The following MYBL1 variants were observed in gnomAD, a reference collection of about 807,000 sequenced individuals.
The protein encoded by MYBL1 is myb-related protein A.
Under a neutral mutation model 96.3 loss-of-function variants are expected in MYBL1, and 17 were observed. The observed-to-expected ratio is 0.18, with a 90% CI of 0.12 to 0.26. The LOEUF (loss-of-function observed/expected upper bound fraction) is 0.26, where lower values mean the gene tolerates loss of function less well. Among genes scored for constraint, MYBL1 ranks in the 10% least tolerant of loss-of-function variants. The pLI is 1.00. For missense variants in MYBL1, 701 were observed against 882.9 expected (o/e 0.79, Z 2.61); for synonymous variants, 282 against 292.7 (o/e 0.96, Z 0.37).
In MYBL1 at chr8:66,597,345, T is replaced by C. The variant is rs1809892325; in HGVS notation, c.497A>G (p.Lys166Arg). ...ATATAAGCACCTTCCTGGAAGTAGT[T>C]TGGCAATTTCTGCCCAACGATTTCC... ...RLGNRWAEIA[K>R]LLPGRTDNSI... Residue 166 changes from lysine (K) to arginine (R), a missense_variant, in exon 5 of 16, where the codon AAA (lysine) becomes AGA (arginine). Transcript: ENST00000522677. 3 of 1,600,758 alleles carry C rather than the reference T, an allele frequency of 1.9e-6. No homozygotes were observed. Among genetic ancestry groups the C allele is most frequent in the East Asian group, 4.5e-5 (2 of 44,648 alleles).
chr8:66,612,854 T>A lies in MYBL1; in HGVS notation c.-16A>T. ...TCTTCGCCATCCTTCAAGTACCGCATAGGAGCAGGCTGGGCGGGGACGCGG... is the reference window on the plus strand; with the variant it reads ...TCTTCGCCATCCTTCAAGTACCGCAAAGGAGCAGGCTGGGCGGGGACGCGG... On this transcript the variant is annotated 5_prime_UTR_variant, in exon 1 of 16. It removes an upstream start codon present in the reference 5' UTR. Transcript: ENST00000522677. 7.3e-7 allele frequency: 1 copy of A among 1,367,332 alleles called. No individual in the cohort carries two copies. Among genetic ancestry groups the A allele is most frequent in the Non-Finnish European group, 9.5e-7 (1 of 1,050,360 alleles). The allele number at this position is 1,367,332 out of a possible 1,614,324, so 84.7% of individuals were successfully genotyped here.
intron 12 of MYBL1, among the ~76,000 whole-genome samples, chr8:66,567,478 T>C (rs1174807317): frequency 6.6e-6 from 1 of 151,926 alleles, no homozygotes; most frequent in Admixed American, 6.6e-5. Context: ...TTTGTATACC[T>C]AGCCTAAGCA....
chr8:66,567,136 C>G, intron 12 of MYBL1, 144 bp from the exon 13 acceptor site: 1 of 577,570 alleles, frequency 1.7e-6, no homozygotes, highest in Non-Finnish European at 3.0e-6. Context: ...TAAATTAATT[C>G]ATGTTGTGGC....
chr8:66,602,645 T>C (rs1810123154), intron 1 of MYBL1, 122 bp from the exon 2 acceptor site: 2 of 347,910 alleles, frequency 5.7e-6, no homozygotes, highest in Admixed American at 1.1e-4. Flanking sequence ...ATATTCACAA[T>C]GAAATTATTC....
intron 6 of MYBL1, among the ~76,000 whole-genome samples, chr8:66,594,743 A>C (rs866253578): frequency 4.1e-4 from 62 of 152,180 alleles, no homozygotes; most frequent in African/African-American, 1.4e-3. Flanking sequence ...TGAAAATGTC[A>C]TTACTCTAAG....
chr8:66,605,762 G>A (rs1440513990), intron 1 of MYBL1, among the ~76,000 whole-genome samples: 2 of 152,160 alleles, frequency 1.3e-5, no homozygotes, highest in Non-Finnish European at 2.9e-5. Flanking sequence ...GTTACAGTGA[G>A]CCGAGATTGC....
intron 4 of MYBL1, among the ~76,000 whole-genome samples, chr8:66,598,394 T>C (rs530801729): frequency 9.4e-4 from 143 of 152,326 alleles, no homozygotes; most frequent in African/African-American, 3.3e-3. Context: ...CGAGATTCCA[T>C]CTCTACTTAT....
At chr8:66,590,648 A>ACTCCCGC (rs1809601329) in intron 8 of MYBL1, among the ~76,000 whole-genome samples, 1 of 151,752 alleles carries the variant, frequency 6.6e-6, no homozygotes, top group East Asian at 1.9e-4. Context: ...GCACCACTGC[A>ACTCCCGC]CTCCCGCTTG....
Position 66,563,472 on chromosome 8 carries a change from C to G in MYBL1, c.*1225G>C, listed in dbSNP as rs1235375321. On this transcript the variant is annotated 3_prime_UTR_variant, in exon 16 of 16. Coordinates refer to ENST00000522677, the MANE Select transcript of MYBL1 (RefSeq NM_001080416.4). ...AAACACCTAAAACAGGCAACTGAAGCAACTGTTGTAACCTGTAGAGAAACA... is the reference window on the plus strand; with the variant it reads ...AAACACCTAAAACAGGCAACTGAAGGAACTGTTGTAACCTGTAGAGAAACA... The G allele has an allele frequency of 1.3e-5, 2 of 152,430 alleles. No homozygotes were observed. The highest frequency in any genetic ancestry group is 2.9e-5 in the Non-Finnish European group (2 of 67,976). The allele number at this position is 152,430 out of a possible 1,614,324, so 9.4% of individuals were successfully genotyped here.
chr8:66,593,333 C>T lies in MYBL1; in HGVS notation c.688-139G>A, dbSNP rs1809726116. 6 of 503,836 alleles carry T rather than the reference C, an allele frequency of 1.2e-5. No homozygotes were observed. In the East Asian group the frequency reaches 1.9e-4, roughly 16 times the overall value. The allele number at this position is 503,836 out of a possible 1,614,324, so 31.2% of individuals were successfully genotyped here. On this transcript the variant is annotated intron_variant, in intron 6 of 15. Coordinates refer to ENST00000522677, the MANE Select transcript of MYBL1 (RefSeq NM_001080416.4). ...CCTGTATTAATTTTGAAATGTTATA[C>T]CTATAATACTTTCTTATCTATTAAA...
At position 66,580,369 on chromosome 8, in the gene MYBL1, A is replaced by G. The variant is rs749360889; in HGVS notation, c.868-3T>C. 5.1e-6 allele frequency: 8 copies of G among 1,561,384 alleles called. No individual in the cohort carries two copies. The highest frequency in any genetic ancestry group is 7.0e-6 in the Non-Finnish European group (8 of 1,138,378). ...CAGCTAGAAAAACTTCCAGGCTGCT[A>G]AAGGTACAAAAGAAATTTGAATATT... On this transcript the variant is annotated splice_region_variant and splice_polypyrimidine_tract_variant and intron_variant, in intron 8 of 15. Transcript: ENST00000522677.
intron 1 of MYBL1, among the ~76,000 whole-genome samples, chr8:66,607,213 T>C (rs1024395056): frequency 6.6e-6 from 1 of 152,114 alleles, no homozygotes; most frequent in African/African-American, 2.4e-5. Context: ...AAATATCACC[T>C]GATAGGCCAA....
intron 1 of MYBL1, among the ~76,000 whole-genome samples, chr8:66,607,537 T>C (rs1054232901): frequency 6.6e-5 from 10 of 152,178 alleles, no homozygotes; most frequent in Non-Finnish European, 1.2e-4. Flanking sequence ...GAGCTCTATA[T>C]TCCAAAATTA....
At chr8:66,583,204 G>A (rs1240929902) in intron 8 of MYBL1, among the ~76,000 whole-genome samples, 2 of 152,002 alleles carry the variant, frequency 1.3e-5, no homozygotes, top group Admixed American at 1.3e-4. Flanking sequence ...TTTTGAAATC[G>A]TAAACGGAAA....
rs1390317243 is a variant in MYBL1 at position 66,601,761 on chromosome 8, T to C, written c.135A>G (p.Lys45=). 2.6e-6 allele frequency: 4 copies of C among 1,518,710 alleles called. No individual in the cohort carries two copies. The highest frequency in any genetic ancestry group is 4.0e-5 in the Admixed American group (2 of 50,466). The allele number at this position is 1,518,710 out of a possible 1,614,324, so 94.1% of individuals were successfully genotyped here. Residue 45 remains lysine, a synonymous_variant, in exon 3 of 16, where the codon AAA becomes AAG. Coordinates refer to ENST00000522677, the MANE Select transcript of MYBL1 (RefSeq NM_001080416.4). ...CATGTTGTTCAACCAACTTCTTTAA[T>C]TTATCATCCTATTAAAACAGTACAA... is the stretch of plus-strand genomic sequence containing the variant. The part of the protein sequence containing the change: ...RVKWTRDEDD[K]LKKLVEQHGT...
rs766680232 is a variant in MYBL1, at chr8:66,573,461, G to A, written c.1516C>T (p.Pro506Ser). ...CAAATAGGGGTTGATGTAAATGAAG[G>A]ATTTTCTATATTAAGTTGTTCATTA... ...PGNEQLNIEN[P>S]SFTSTPICGQ... The change falls in exon 11 of 16, where the codon CCT (proline) becomes TCT (serine). Residue 506 changes from proline (P) to serine (S), a missense_variant. By Grantham distance (74) the Pro-to-Ser change is moderately conservative (BLOSUM62 -1). Transcript: ENST00000522677. 1.4e-5 allele frequency: 22 copies of A among 1,611,240 alleles called. No homozygotes were observed. The highest frequency in any genetic ancestry group is 1.8e-5 in the Non-Finnish European group (21 of 1,178,722).
chr8:66,575,731 G>A (rs931567507), intron 10 of MYBL1, among the ~76,000 whole-genome samples: 2 of 152,084 alleles, frequency 1.3e-5, no homozygotes, highest in Admixed American at 6.5e-5. Flanking sequence ...TTGAGGTTGC[G>A]GTGAGCCGTG....
intron 12 of MYBL1, among the ~76,000 whole-genome samples, chr8:66,571,664 C>T (rs569894165): frequency 3.3e-5 from 5 of 151,844 alleles, no homozygotes; most frequent in Non-Finnish European, 7.4e-5. Flanking sequence ...GGGTGGATCA[C>T]GAGGTCAGGA....
At chr8:66,571,305 A>G (rs1185108674) in intron 12 of MYBL1, among the ~76,000 whole-genome samples, 2 of 152,206 alleles carry the variant, frequency 1.3e-5, no homozygotes, top group African/African-American at 4.8e-5. Context: ...TATTATTAGA[A>G]TAATAGCAGC....
Sources: allele counts gnomAD v4.1 joint callset (sites outside exome capture counted in the v4.1 genomes callset), GRCh38; gene constraint gnomAD v4.1.1; transcripts MANE v1.5; gene names NCBI Gene and HGNC (gene_info 2026-07-23, HGNC 2026-07-21).